Variants in LRRC4C observed in about 807,000 individuals in gnomAD.
The protein encoded by LRRC4C is leucine-rich repeat-containing protein 4C.
LRRC4C carries 5 observed loss-of-function variants against 33.6 expected under a neutral mutation model. That is an observed-to-expected ratio of 0.15 (90% CI 0.08 to 0.31). The LOEUF (loss-of-function observed/expected upper bound fraction) is 0.31. Ranked by LOEUF, LRRC4C falls within the 10% of genes least tolerant of loss-of-function variation. LRRC4C has a pLI of 1.00. For missense variants in LRRC4C, 560 were observed against 796.7 expected (o/e 0.70, Z 3.58); for synonymous variants, 329 against 302.0 (o/e 1.09, Z -0.93).
intron 1 of LRRC4C, among the ~76,000 whole-genome samples, chr11:41,204,534 C>T (rs2136281108): frequency 6.6e-6 from 1 of 152,286 alleles, no homozygotes; most frequent in South Asian, 2.1e-4. Context: ...GGGAAAGAAA[C>T]AGTTCTCAGG....
rs1231631058 is a variant in LRRC4C, at chr11:40,970,651, G to T, written c.-495-36928C>A. 4.6e-5 allele frequency among the ~76,000 whole-genome samples: 7 copies of T among 152,156 alleles called. No individual in the cohort carries two copies. The East Asian group carries it at 1.2e-3, about 25-fold the overall frequency. On this transcript the variant is annotated intron_variant, in intron 1 of 6. Coordinates refer to ENST00000528697, the MANE Select transcript of LRRC4C (RefSeq NM_001258419.2). The stretch of plus-strand genomic sequence containing the variant: ...ACTGGGCAATGGGCTAAGGTTGGAA[G>T]AGTTTGGAGGGCTCAGAGGAAGACA...
chr11:40,249,384 G>A (rs1235745062), intron 4 of LRRC4C, among the ~76,000 whole-genome samples: 1 of 151,744 alleles, frequency 6.6e-6, no homozygotes, highest in Admixed American at 6.6e-5. Context: ...AGTTAAATTA[G>A]TCTCATTTCC....
At chr11:40,120,758 G>A (rs565774933) in intron 6 of LRRC4C, among the ~76,000 whole-genome samples, 21 of 152,186 alleles carry the variant, frequency 1.4e-4, no homozygotes, top group Admixed American at 3.3e-4. Context: ...TTACTCTGCC[G>A]TTTGCTACCT....
chr11:40,521,666 C>G (rs1487236231), intron 3 of LRRC4C, among the ~76,000 whole-genome samples: 1 of 151,918 alleles, frequency 6.6e-6, no homozygotes, highest in East Asian at 1.9e-4. Flanking sequence ...GTCAAGAGAT[C>G]AAGACCATCC....
chr11:40,860,599 A>G (rs931224804), intron 2 of LRRC4C, among the ~76,000 whole-genome samples: 1 of 151,980 alleles, frequency 6.6e-6, no homozygotes, highest in African/African-American at 2.4e-5. Flanking sequence ...CACGGGGTGT[A>G]CTACCAGTGC....
chr11:41,109,189 T>G (rs893827758), intron 1 of LRRC4C, among the ~76,000 whole-genome samples: 4 of 152,064 alleles, frequency 2.6e-5, no homozygotes, highest in African/African-American at 4.8e-5. Flanking sequence ...AGTCATTTAG[T>G]TACCCTGTAC....
At chr11:40,479,238 G>T (rs1032209551) in intron 3 of LRRC4C, among the ~76,000 whole-genome samples, 3 of 152,036 alleles carry the variant, frequency 2.0e-5, no homozygotes, top group Non-Finnish European at 4.4e-5. Flanking sequence ...ATATTATTTG[G>T]CCTAATTCCT....
At chr11:40,866,468 C>T (rs1954376647) in intron 2 of LRRC4C, among the ~76,000 whole-genome samples, 1 of 152,090 alleles carries the variant, frequency 6.6e-6, no homozygotes, top group African/African-American at 2.4e-5. Context: ...CACTTGTCAT[C>T]ACAAAATGAA....
intron 1 of LRRC4C, among the ~76,000 whole-genome samples, chr11:41,091,045 G>A (rs763153517): frequency 1.3e-5 from 2 of 152,090 alleles, no homozygotes; most frequent in Non-Finnish European, 2.9e-5. Flanking sequence ...CTGTTGCTGA[G>A]GATCCTTTTG....
At chr11:41,121,309 T>C (rs1487136771) in intron 1 of LRRC4C, among the ~76,000 whole-genome samples, 1 of 152,186 alleles carries the variant, frequency 6.6e-6, no homozygotes, top group African/African-American at 2.4e-5. Flanking sequence ...CTATAACGTT[T>C]ATATATTGTG....
intron 3 of LRRC4C, among the ~76,000 whole-genome samples, chr11:40,629,070 A>G (rs1565576394): frequency 6.6e-6 from 1 of 152,224 alleles, no homozygotes; most frequent in Non-Finnish European, 1.5e-5. Context: ...AATTCACAAT[A>G]TATTACTTAG....
At chr11:40,469,670 A>G (rs1172996174) in intron 3 of LRRC4C, among the ~76,000 whole-genome samples, 1 of 152,194 alleles carries the variant, frequency 6.6e-6, no homozygotes, top group Non-Finnish European at 1.5e-5. Context: ...TCTGAAGTCT[A>G]CCAGAAACAC....
intron 1 of LRRC4C, among the ~76,000 whole-genome samples, chr11:41,082,509 A>C (rs1939656001): frequency 1.3e-5 from 2 of 148,840 alleles, no homozygotes; most frequent in Admixed American, 1.4e-4. Flanking sequence ...TGTGCCAAGC[A>C]CTGAGCTAAG....
intron 3 of LRRC4C, among the ~76,000 whole-genome samples, chr11:40,442,162 CAAA>C (rs1158464665): frequency 5.3e-5 from 3 of 56,190 alleles, no homozygotes; most frequent in African/African-American, 6.9e-5. Context: ...GACTCCATTT[CAAA>C]AAAAAAAAAA....
intron 1 of LRRC4C, among the ~76,000 whole-genome samples, chr11:41,309,989 A>T (rs377241704): frequency 1.1e-4 from 16 of 152,216 alleles, no homozygotes; most frequent in African/African-American, 3.9e-4. Context: ...TCTGCCCTTA[A>T]ACCTTCCTGG....
chr11:40,956,350 G>A (rs1236210199), intron 1 of LRRC4C, among the ~76,000 whole-genome samples: 1 of 151,692 alleles, frequency 6.6e-6, no homozygotes, highest in Admixed American at 6.6e-5. Flanking sequence ...AAGTCTCAGT[G>A]ATTTAGGTAG....
At chr11:41,261,678 G>A (rs1356097746) in intron 1 of LRRC4C, among the ~76,000 whole-genome samples, 1 of 152,044 alleles carries the variant, frequency 6.6e-6, no homozygotes, top group African/African-American at 2.4e-5. Flanking sequence ...TTCATTCCTC[G>A]AACTCTAGTG....
chr11:41,245,607 G>C (rs1948420184), intron 1 of LRRC4C, among the ~76,000 whole-genome samples: 1 of 152,216 alleles, frequency 6.6e-6, no homozygotes. Context: ...CTGACTCAGG[G>C]AGCTCCTAGG....
rs7128708 is a variant in LRRC4C, at chr11:40,794,987, C to T, written c.-407+138648G>A. On this transcript the variant is annotated intron_variant, in intron 2 of 6. Transcript: ENST00000528697. ...CCCTCTTACTCAATTCTTAGTTAGACATCATATCTTTTACTATAGAGAACT... is the reference window on the plus strand; with the variant it reads ...CCCTCTTACTCAATTCTTAGTTAGATATCATATCTTTTACTATAGAGAACT... Among the ~76,000 whole-genome samples the T allele has an allele frequency of 3.2e-3, 490 of 152,258 alleles. 2 individuals carry two copies. Among genetic ancestry groups the T allele is most frequent in the African/African-American group, 0.011 (456 of 41,558 alleles).
Sources: allele counts gnomAD v4.1 joint callset (sites outside exome capture counted in the v4.1 genomes callset), GRCh38; gene constraint gnomAD v4.1.1; transcripts MANE v1.5; gene names NCBI Gene and HGNC (gene_info 2026-07-23, HGNC 2026-07-21).